DLC1: variants seen among roughly 807,000 people sequenced by gnomAD.
DLC1 encodes rho GTPase-activating protein 7.
In DLC1, 54 loss-of-function variants were observed where a neutral mutation model predicts 140.3. That is an observed-to-expected ratio of 0.38 (90% CI 0.31 to 0.48). The LOEUF is 0.48. DLC1 is among the 20% of genes least tolerant of loss of function. The pLI is 0.96. For synonymous variants in DLC1, 986 were observed against 728.1 expected (o/e 1.35, Z -5.70); for missense variants, 2,536 against 1,907.0 (o/e 1.33, Z -6.14).
intron 5 of DLC1, among the ~76,000 whole-genome samples, chr8:13,271,378 G>C (rs1830925288): frequency 6.6e-6 from 1 of 152,196 alleles, no homozygotes; most frequent in African/African-American, 2.4e-5. Flanking sequence ...GCCCTTCCTT[G>C]GAAGTGGGCC....
At chr8:13,195,943 A>G (rs1827024714) in intron 5 of DLC1, among the ~76,000 whole-genome samples, 1 of 152,226 alleles carries the variant, frequency 6.6e-6, no homozygotes, top group South Asian at 2.1e-4. Context: ...TATAATTACC[A>G]CCATTTAACA....
chr8:13,538,749 T>A (rs1366274699), intron 1 of DLC1, among the ~76,000 whole-genome samples: 2 of 152,142 alleles, frequency 1.3e-5, no homozygotes, highest in Admixed American at 6.5e-5. Flanking sequence ...AGGTAATAAG[T>A]GGTAGAAGCA....
chr8:13,571,250 T>C (rs1056523995), intron 1 of DLC1, among the ~76,000 whole-genome samples: 2 of 152,140 alleles, frequency 1.3e-5, no homozygotes, highest in African/African-American at 2.4e-5. Flanking sequence ...ACTTGAACTG[T>C]TATTAATAGT....
chr8:13,185,652 G>C (rs567157903), intron 5 of DLC1, among the ~76,000 whole-genome samples: 1 of 152,032 alleles, frequency 6.6e-6, no homozygotes, highest in Non-Finnish European at 1.5e-5. Flanking sequence ...TTACATTTAA[G>C]GTTAATATTG....
At chr8:13,132,312 C>A (rs1207112358) in intron 5 of DLC1, among the ~76,000 whole-genome samples, 1 of 151,502 alleles carries the variant, frequency 6.6e-6, no homozygotes, top group Non-Finnish European at 1.5e-5. Flanking sequence ...CAGGTACCTG[C>A]GGCCACCAAA....
intron 5 of DLC1, among the ~76,000 whole-genome samples, chr8:13,138,312 C>T (rs2128968469): frequency 6.6e-6 from 1 of 152,204 alleles, no homozygotes; most frequent in East Asian, 1.9e-4. Flanking sequence ...TTTCCAGAAC[C>T]CCTATAATTT....
At chr8:13,197,217 G>T (rs1827116916) in intron 5 of DLC1, among the ~76,000 whole-genome samples, 1 of 152,126 alleles carries the variant, frequency 6.6e-6, no homozygotes, top group South Asian at 2.1e-4. Flanking sequence ...ATCTTAAAAT[G>T]TTCAACTTAT....
intron 5 of DLC1, among the ~76,000 whole-genome samples, chr8:13,278,108 C>T (rs545135860): frequency 6.6e-6 from 1 of 152,326 alleles, no homozygotes; most frequent in South Asian, 2.1e-4. Context: ...CCCCATTGAG[C>T]ATGTACTTCA....
At chr8:13,509,114 G>A (rs899708128) in intron 1 of DLC1, among the ~76,000 whole-genome samples, 1 of 152,142 alleles carries the variant, frequency 6.6e-6, no homozygotes, top group Admixed American at 6.5e-5. Flanking sequence ...TATTCAACAA[G>A]GAACACGGAT....
chr8:13,215,030 G>A (rs1017633167), intron 5 of DLC1, among the ~76,000 whole-genome samples: 1 of 152,024 alleles, frequency 6.6e-6, no homozygotes, highest in African/African-American at 2.4e-5. Context: ...TATTCATTCG[G>A]CAAATAATTA....
At position 13,499,694 on chromosome 8, in the gene DLC1, C is replaced by A; in HGVS notation, c.378G>T (p.Gln126His). The A allele has an allele frequency of 6.2e-7, 1 of 1,614,126 alleles. No homozygotes were observed. Among genetic ancestry groups the A allele is most frequent in the South Asian group, 1.1e-5 (1 of 91,082 alleles). The change falls in exon 2 of 18, where the codon CAG (glutamine) becomes CAT (histidine). Residue 126 changes from glutamine (Q) to histidine (H), a missense_variant. Transcript: ENST00000276297. Reference protein sequence around the residue: ...NADLCLTDDKQVLNTQGQKTS... With the variant: ...NADLCLTDDKHVLNTQGQKTS... ...TTTTCTGCCCTTGGGTATTTAAAAC[C>A]TGTTTATCATCTGTAAGGCATAAAT... is the stretch of plus-strand genomic sequence containing the variant.
At chr8:13,126,474 A>G (rs894402701) in intron 5 of DLC1, among the ~76,000 whole-genome samples, 3 of 152,222 alleles carry the variant, frequency 2.0e-5, no homozygotes, top group African/African-American at 7.2e-5. Flanking sequence ...GTAATTTGGA[A>G]TAGCTCATAA....
chr8:13,552,129 A>ATATATATATATATATATATC (rs1219850651), intron 1 of DLC1, among the ~76,000 whole-genome samples: 19 of 131,868 alleles, frequency 1.4e-4, no homozygotes, highest in Non-Finnish European at 1.9e-4. Flanking sequence ...ATATATATAT[A>ATATATATATATATATATATC]TATATATATA....
At chr8:13,555,510 G>A (rs1804011810) in intron 1 of DLC1, among the ~76,000 whole-genome samples, 1 of 151,746 alleles carries the variant, frequency 6.6e-6, no homozygotes, top group Non-Finnish European at 1.5e-5. Context: ...TTATTTTTTT[G>A]AGACGGAGTC....
chr8:13,404,796 G>A (rs1186401752), intron 2 of DLC1, among the ~76,000 whole-genome samples: 2 of 151,998 alleles, frequency 1.3e-5, no homozygotes, highest in Non-Finnish European at 2.9e-5. Context: ...TGAGGAGTTG[G>A]AAACCAGCCT....
At chr8:13,230,756 C>A (rs1218584187) in intron 5 of DLC1, among the ~76,000 whole-genome samples, 1 of 151,758 alleles carries the variant, frequency 6.6e-6, no homozygotes, top group Non-Finnish European at 1.5e-5. Flanking sequence ...ACCACCATGC[C>A]CGCCTAATTT....
chr8:13,393,731 G>T lies in DLC1; in HGVS notation c.1174-38C>A, dbSNP rs1378925910. 3.1e-6 allele frequency: 5 copies of T among 1,589,250 alleles called. No homozygotes were observed. In the East Asian group the frequency reaches 1.1e-4, roughly 36 times the overall value. The stretch of plus-strand genomic sequence containing the variant: ...AAATGCACTGGTATGAAGGACATGT[G>T]AATGTTCCCAAATGCCCTTCTTCCT... On this transcript the variant is annotated intron_variant, in intron 3 of 17. Coordinates refer to ENST00000276297, the MANE Select transcript of DLC1 (RefSeq NM_182643.3).
At chr8:13,452,361 G>C (rs1457426226) in intron 2 of DLC1, among the ~76,000 whole-genome samples, 1 of 152,004 alleles carries the variant, frequency 6.6e-6, no homozygotes, top group Admixed American at 6.6e-5. Flanking sequence ...CACAGTGAGA[G>C]TAAAAAAGTA....
chr8:13,284,917 A>G (rs917087477), intron 5 of DLC1, among the ~76,000 whole-genome samples: 1 of 152,178 alleles, frequency 6.6e-6, no homozygotes, highest in Admixed American at 6.5e-5. Flanking sequence ...CCATTTATGC[A>G]TTTGAAGACA....
Sources: gnomAD v4.1 joint callset for allele counts (sites outside exome capture counted in the v4.1 genomes callset) on GRCh38, gnomAD v4.1.1 for gene constraint, MANE v1.5 for transcripts, NCBI Gene and HGNC (gene_info 2026-07-23, HGNC 2026-07-21) for gene names.